The following HCRTR2 variants were observed in gnomAD, a reference collection of about 807,000 sequenced individuals.
The protein encoded by HCRTR2 is orexin receptor type 2.
In HCRTR2, 22 loss-of-function variants were observed where a neutral mutation model predicts 49.0. The observed-to-expected ratio is 0.45, with a 90% CI of 0.32 to 0.64. HCRTR2 has a LOEUF of 0.64. HCRTR2 is among the 30% of genes least tolerant of loss of function. The pLI is 0.04. For synonymous variants in HCRTR2, 236 were observed against 205.3 expected (o/e 1.15, Z -1.28); for missense variants, 491 against 559.4 (o/e 0.88, Z 1.23).
chr6:55,165,772 T>C (rs1764868925), intron 1 of HCRTR2, among the ~76,000 whole-genome samples: 2 of 44,536 alleles, frequency 4.5e-5, no homozygotes, highest in South Asian at 1.8e-3. Flanking sequence ...TATATATATA[T>C]ATATATATAT....
intron 1 of HCRTR2, among the ~76,000 whole-genome samples, chr6:55,125,568 G>A (rs1255226064): frequency 6.6e-6 from 1 of 152,046 alleles, no homozygotes; most frequent in African/African-American, 2.4e-5. Flanking sequence ...TTTCAACCTT[G>A]GTGAATATGA....
At chr6:55,228,115 T>A (rs924424455) in intron 1 of HCRTR2, among the ~76,000 whole-genome samples, 8 of 151,978 alleles carry the variant, frequency 5.3e-5, no homozygotes, top group African/African-American at 1.9e-4. Context: ...AGGACAGTGA[T>A]GAATAACAGA....
chr6:55,175,192 G>T (rs1232287901), intron 1 of HCRTR2, among the ~76,000 whole-genome samples: 1 of 152,054 alleles, frequency 6.6e-6, no homozygotes, highest in African/African-American at 2.4e-5. Context: ...GGTGTTTCAG[G>T]GGGGTTGGGA....
intron 1 of HCRTR2, among the ~76,000 whole-genome samples, chr6:55,245,477 A>ATATATATG (rs1766419522): frequency 2.1e-5 from 2 of 93,104 alleles, no homozygotes; most frequent in Admixed American, 9.9e-5. Flanking sequence ...TTTTATATAT[A>ATATATATG]TATATATATA....
intron 6 of HCRTR2, among the ~76,000 whole-genome samples, chr6:55,281,002 T>A (rs1767180140): frequency 6.6e-6 from 1 of 152,204 alleles, no homozygotes; most frequent in Admixed American, 6.5e-5. Flanking sequence ...TGTATCTGTT[T>A]ATGGAATCAA....
intron 1 of HCRTR2, among the ~76,000 whole-genome samples, chr6:55,108,028 G>A (rs1054224641): frequency 6.6e-6 from 1 of 152,062 alleles, no homozygotes; most frequent in African/African-American, 2.4e-5. Context: ...GAAAAAAATT[G>A]ATACATGTTA....
chr6:55,220,533 C>A (rs1335182369), intron 1 of HCRTR2, among the ~76,000 whole-genome samples: 1 of 152,060 alleles, frequency 6.6e-6, no homozygotes, highest in Non-Finnish European at 1.5e-5. Context: ...ACTCAACAAA[C>A]TATGAATAGA....
chr6:55,161,661 A>C (rs1764807585), intron 1 of HCRTR2, among the ~76,000 whole-genome samples: 1 of 152,206 alleles, frequency 6.6e-6, no homozygotes, highest in African/African-American at 2.4e-5. Context: ...ATCATCACTG[A>C]TCCCACAGAA....
intron 1 of HCRTR2, among the ~76,000 whole-genome samples, chr6:55,114,777 C>A (rs1764094258): frequency 1.3e-5 from 2 of 151,760 alleles, no homozygotes; most frequent in African/African-American, 4.8e-5. Flanking sequence ...ATTTGACCTA[C>A]ACAAAAGCAT....
At chr6:55,209,252 C>T (rs1198159612) in intron 1 of HCRTR2, among the ~76,000 whole-genome samples, 3 of 151,860 alleles carry the variant, frequency 2.0e-5, no homozygotes, top group Non-Finnish European at 4.4e-5. Context: ...CTTAATCATG[C>T]CATTTAAGTG....
intron 1 of HCRTR2, among the ~76,000 whole-genome samples, chr6:55,136,746 A>C (rs1404597515): frequency 6.6e-6 from 1 of 152,148 alleles, no homozygotes; most frequent in African/African-American, 2.4e-5. Flanking sequence ...AATTAGGATA[A>C]GCAGTAACAG....
chr6:55,165,262 T>C (rs1764860429), intron 1 of HCRTR2, among the ~76,000 whole-genome samples: 1 of 152,004 alleles, frequency 6.6e-6, no homozygotes, highest in African/African-American at 2.4e-5. Context: ...AGAAAGTTTA[T>C]TCAAAGGGAT....
intron 1 of HCRTR2, among the ~76,000 whole-genome samples, chr6:55,136,599 A>G (rs928694850): frequency 4.6e-5 from 7 of 152,200 alleles, no homozygotes; most frequent in African/African-American, 1.7e-4. Context: ...AATATATTAT[A>G]TCATCTTGGT....
At chr6:55,159,161 AAT>A (rs1764770701) in intron 1 of HCRTR2, among the ~76,000 whole-genome samples, 2 of 152,270 alleles carry the variant, frequency 1.3e-5, no homozygotes, top group South Asian at 4.1e-4. Context: ...TACCCAGGCA[AAT>A]AGGGTCTGAC....
intron 1 of HCRTR2, among the ~76,000 whole-genome samples, chr6:55,132,700 G>A (rs1404926387): frequency 6.6e-6 from 1 of 150,634 alleles, no homozygotes; most frequent in Non-Finnish European, 1.5e-5. Context: ...GAATGGGACA[G>A]TGGAGCCCTA....
intron 3 of HCRTR2, among the ~76,000 whole-genome samples, chr6:55,262,278 T>C (rs1327905125): frequency 6.8e-6 from 1 of 146,362 alleles, no homozygotes; most frequent in Non-Finnish European, 1.5e-5. Context: ...ATTAAAAAAA[T>C]ACATACATAC....
intron 1 of HCRTR2, among the ~76,000 whole-genome samples, chr6:55,160,188 T>G (rs906030130): frequency 4.6e-5 from 7 of 152,180 alleles, no homozygotes; most frequent in African/African-American, 1.7e-4. Flanking sequence ...ATATTCAACA[T>G]GCTTTAAGAA....
intron 1 of HCRTR2, among the ~76,000 whole-genome samples, chr6:55,168,240 C>CTGAA (rs1260693195): frequency 1.3e-5 from 2 of 152,098 alleles, no homozygotes; most frequent in African/African-American, 4.8e-5. Flanking sequence ...AGATGTCATC[C>CTGAA]TGAAGAGTAT....
Position 55,206,289 on chromosome 6 carries a change from A to G in HCRTR2, c.223+31479A>G, listed in dbSNP as rs552553559. Among the ~76,000 whole-genome samples the G allele has an allele frequency of 2.0e-5, 3 of 152,252 alleles. No individual in the cohort carries two copies. In the East Asian group the frequency reaches 5.8e-4, roughly 29 times the overall value. On this transcript the variant is annotated intron_variant, in intron 1 of 6. Transcript: ENST00000370862. ...ATTTGTAATATCTGAAACCATTTTCATATTGAAGAATCACTTAAAATAGTC... is the reference window on the plus strand; with the variant it reads ...ATTTGTAATATCTGAAACCATTTTCGTATTGAAGAATCACTTAAAATAGTC...
Sources: gnomAD v4.1 joint callset for allele counts (sites outside exome capture counted in the v4.1 genomes callset) on GRCh38, gnomAD v4.1.1 for gene constraint, MANE v1.5 for transcripts, NCBI Gene and HGNC (gene_info 2026-07-23, HGNC 2026-07-21) for gene names.